The following RASGEF1C variants were observed in gnomAD, a reference collection of about 807,000 sequenced individuals.
RASGEF1C encodes the protein RasGEF domain family member 1C.
RASGEF1C carries 27 observed loss-of-function variants against 58.1 expected under a neutral mutation model. The ratio of observed to expected loss-of-function variants is 0.46; its 90% CI spans 0.34 to 0.64. RASGEF1C has a LOEUF of 0.64. Ranked by LOEUF, RASGEF1C falls within the 30% of genes least tolerant of loss-of-function variation. The probability of loss-of-function intolerance (pLI) is 0.01; values close to 1 mark genes in which losing one functional copy is unlikely to be tolerated. For missense variants in RASGEF1C, 502 were observed against 605.1 expected (o/e 0.83, Z 1.79); for synonymous variants, 243 against 246.3 (o/e 0.99, Z 0.13).
At chr5:180,111,212 G>A (rs1167742461) in intron 12 of RASGEF1C, among the ~76,000 whole-genome samples, 2 of 152,136 alleles carry the variant, frequency 1.3e-5, no homozygotes, top group Admixed American at 6.5e-5. Flanking sequence ...AACTGTGTCC[G>A]GGGAGGAGCC....
chr5:180,203,199 C>T (rs1756426995), intron 1 of RASGEF1C, among the ~76,000 whole-genome samples: 1 of 152,186 alleles, frequency 6.6e-6, no homozygotes, highest in Non-Finnish European at 1.5e-5. Flanking sequence ...TTTTGACTTT[C>T]CTCTGACCAA....
intron 1 of RASGEF1C, among the ~76,000 whole-genome samples, chr5:180,157,936 C>T (rs1294562896): frequency 6.6e-6 from 1 of 152,244 alleles, no homozygotes; most frequent in African/African-American, 2.4e-5. Context: ...AAGCATGACC[C>T]CCTAAGGTGA....
At chr5:180,122,044 TGTGA>T (rs1170578719) in intron 6 of RASGEF1C, among the ~76,000 whole-genome samples, 15 of 152,358 alleles carry the variant, frequency 9.8e-5, no homozygotes, top group African/African-American at 3.1e-4. Context: ...AGCATTCAGC[TGTGA>T]GTAACAGCAC....
chr5:180,118,986 A>C, intron 8 of RASGEF1C, 120 bp from the exon 9 acceptor site: 2 of 903,894 alleles, frequency 2.2e-6, no homozygotes, highest in South Asian at 1.4e-5. Context: ...AGCCTGTCAC[A>C]TGGTGGGTGG....
chr5:180,102,456 CTCTT>C (rs1222331154), intron 12 of RASGEF1C, among the ~76,000 whole-genome samples: 1 of 152,166 alleles, frequency 6.6e-6, no homozygotes, highest in African/African-American at 2.4e-5. Context: ...GAATAAGAAA[CTCTT>C]TATCTAGCCC....
chr5:180,119,350 G>C lies in RASGEF1C; in HGVS notation c.903C>G (p.Ile301Met). 6.2e-7 allele frequency: 1 copy of C among 1,613,406 alleles called. No homozygotes were observed. The highest frequency in any genetic ancestry group is 1.1e-5 in the South Asian group (1 of 91,080). ...AGGCCAGGCCGGCCCACTCACAGAT[G>C]ATGGCCATGAGGGAGTTGAAGTTGC... ...NIGNFNSLMA[I>M]ISGMNMSPVS... Residue 301 changes from isoleucine (I) to methionine (M), a missense_variant, in exon 8 of 14, where the codon ATC (isoleucine) becomes ATG (methionine). Coordinates refer to ENST00000361132, the MANE Select transcript of RASGEF1C (RefSeq NM_175062.4).
At chr5:180,136,653 G>T in intron 3 of RASGEF1C, 138 bp from the exon 4 acceptor site, 2 of 895,288 alleles carry the variant, frequency 2.2e-6, no homozygotes, top group Non-Finnish European at 3.3e-6. Context: ...GAGGAGGGGG[G>T]TGCGATCCTG....
rs144069050 is a variant in RASGEF1C at position 180,171,343 on chromosome 5, G to A, written c.-6-33285C>T. ...CCCCAGAGGCCACAGCAGCAGCCTC[G>A]TGTTCAGACCTGAAGACTGGTGGAA... On this transcript the variant is annotated intron_variant, in intron 1 of 13. Coordinates refer to ENST00000361132, the MANE Select transcript of RASGEF1C (RefSeq NM_175062.4). 5.7e-3 allele frequency among the ~76,000 whole-genome samples: 871 copies of A among 152,100 alleles called. 10 individuals carry two copies. The highest frequency in any genetic ancestry group is 9.5e-3 in the Non-Finnish European group (646 of 68,000).
intron 4 of RASGEF1C, 67 bp downstream of exon 4, chr5:180,136,311 C>T: frequency 6.8e-7 from 1 of 1,478,716 alleles, no homozygotes. Context: ...GGGGTGCGGG[C>T]CGGGAACAGG....
At chr5:180,148,252 T>A (rs1766688909) in intron 1 of RASGEF1C, among the ~76,000 whole-genome samples, 1 of 152,202 alleles carries the variant, frequency 6.6e-6, no homozygotes, top group Admixed American at 6.5e-5. Flanking sequence ...AAAATGAATC[T>A]CTTGTGGACA....
chr5:180,101,215 ATGG>A lies in RASGEF1C; in HGVS notation c.*283_*285del, dbSNP rs1407335963. The stretch of plus-strand genomic sequence containing the variant: ...GGGCAGTGTTGTGTCCTTGCCGAGG[ATGG>A]ACAGACTGACCAGGCCCCACGGTCC... On this transcript the variant is annotated 3_prime_UTR_variant, in exon 14 of 14. Transcript: ENST00000361132. 2 of 500,008 alleles carry A rather than the reference ATGG, an allele frequency of 4.0e-6. No homozygotes were observed. Among genetic ancestry groups the A allele is most frequent in the Non-Finnish European group, 7.2e-6 (2 of 277,956 alleles). The allele number at this position is 500,008 out of a possible 1,614,324, so 31.0% of individuals were successfully genotyped here.
rs1486054450 is a variant in RASGEF1C at position 180,197,258 on chromosome 5, C to T, written c.-7+11770G>A. 6.6e-6 allele frequency among the ~76,000 whole-genome samples: 1 copy of T among 152,242 alleles called. No individual in the cohort carries two copies. Among genetic ancestry groups the T allele is most frequent in the Non-Finnish European group, 1.5e-5 (1 of 68,038 alleles). Reference sequence around the variant, plus strand: ...AGCCACACACCTGTGAATCACTCAACAATGGCTGGGACAGAGGGGAGCCCG... The same window carrying T: ...AGCCACACACCTGTGAATCACTCAATAATGGCTGGGACAGAGGGGAGCCCG... On this transcript the variant is annotated intron_variant, in intron 1 of 13. Transcript: ENST00000361132. This position sits in a 1 kb window ranked among gnomAD's most constrained non-coding sequence, Gnocchi z 4.7.
At chr5:180,159,182 C>T (rs1361240080) in intron 1 of RASGEF1C, among the ~76,000 whole-genome samples, 2 of 151,342 alleles carry the variant, frequency 1.3e-5, no homozygotes, top group African/African-American at 4.9e-5. Context: ...CTCTGTTGCC[C>T]AGGCTGGAGT....
At chr5:180,157,622 C>T (rs1156547059) in intron 1 of RASGEF1C, among the ~76,000 whole-genome samples, 3 of 118,174 alleles carry the variant, frequency 2.5e-5, no homozygotes, top group African/African-American at 6.3e-5. Flanking sequence ...AGCAAAACTC[C>T]GTCTCAAAAA....
intron 1 of RASGEF1C, among the ~76,000 whole-genome samples, chr5:180,193,160 A>G (rs1285649668): frequency 7.0e-6 from 1 of 141,942 alleles, no homozygotes; most frequent in African/African-American, 2.5e-5. Context: ...GGTTCACACC[A>G]TTCTCCTGCC....
At chr5:180,150,164 A>G (rs1197766266) in intron 1 of RASGEF1C, among the ~76,000 whole-genome samples, 1 of 152,168 alleles carries the variant, frequency 6.6e-6, no homozygotes, top group Non-Finnish European at 1.5e-5. Flanking sequence ...CTGCTTTTGA[A>G]TACCTCTAGT....
intron 12 of RASGEF1C, among the ~76,000 whole-genome samples, chr5:180,107,107 G>A (rs1765884757): frequency 6.6e-6 from 1 of 151,914 alleles, no homozygotes; most frequent in South Asian, 2.1e-4. Flanking sequence ...ATTAATATTA[G>A]CATGCTATAT....
chr5:180,137,390 G>A lies in RASGEF1C; in HGVS notation c.300+200C>T, dbSNP rs899744929. ...TAATGGGCTCAAGGGTTCCCGTCGG[G>A]CACTGGAAAACTACATGGAGGTTAA... is the stretch of plus-strand genomic sequence containing the variant. On this transcript the variant is annotated intron_variant, in intron 3 of 13. Coordinates refer to ENST00000361132, the MANE Select transcript of RASGEF1C (RefSeq NM_175062.4). The surrounding 1 kb of genome is among the most constrained non-coding windows in gnomAD (Gnocchi z 4.1). Among the ~76,000 whole-genome samples the A allele has an allele frequency of 1.3e-5, 2 of 152,204 alleles. No individual in the cohort carries two copies. The highest frequency in any genetic ancestry group is 4.8e-5 in the African/African-American group (2 of 41,456).
intron 12 of RASGEF1C, among the ~76,000 whole-genome samples, chr5:180,106,440 G>T (rs4700869): frequency 3.3e-5 from 5 of 152,048 alleles, no homozygotes; most frequent in East Asian, 1.9e-4. Context: ...GATTTCCTCT[G>T]AGTCCTGCTT....
Sources: allele counts gnomAD v4.1 joint callset (sites outside exome capture counted in the v4.1 genomes callset), GRCh38; gene constraint gnomAD v4.1.1; non-coding constraint Gnocchi (gnomAD v3.1); transcripts MANE v1.5; gene names NCBI Gene and HGNC (gene_info 2026-07-23, HGNC 2026-07-21).